The following IL1RAPL1 variants were observed in gnomAD, a reference collection of about 807,000 sequenced individuals.
IL1RAPL1 encodes the protein interleukin-1 receptor accessory protein-like 1.
IL1RAPL1 carries 3 observed loss-of-function variants against 48.4 expected under a neutral mutation model. That is an observed-to-expected ratio of 0.06 (90% CI 0.03 to 0.16). The LOEUF (loss-of-function observed/expected upper bound fraction) is 0.16, where lower values mean the gene tolerates loss of function less well. IL1RAPL1 is among the 10% of genes least tolerant of loss of function. The probability of loss-of-function intolerance (pLI) is 1.00; values close to 1 mark genes in which losing one functional copy is unlikely to be tolerated. For missense variants in IL1RAPL1, 349 were observed against 530.6 expected, an observed-to-expected ratio of 0.66 and a Z score of 3.36; for synonymous variants, 185 against 187.7, an observed-to-expected ratio of 0.99 and a Z score of 0.12.
rs572062880 is a variant in IL1RAPL1, at chrX:29,833,336, G to A, written c.779-84128G>A. Among the ~76,000 whole-genome samples, 47 of 110,435 alleles carry A rather than the reference G, an allele frequency of 4.3e-4. 1 individual carries two copies. The South Asian group carries it at 0.016, about 38-fold the overall frequency. On this transcript the variant is annotated intron_variant, in intron 6 of 10. Transcript: ENST00000378993. ...AAGTGGCTGTCATATAATATAAATC[G>A]TATTTAGTATGTATTTTTTTTTAAC... is the stretch of plus-strand genomic sequence containing the variant.
chrX:29,057,418 TTTTTTTTTTC>T lies in IL1RAPL1; in HGVS notation c.83-225501_83-225492del, dbSNP rs1046911307. 6.6e-4 allele frequency among the ~76,000 whole-genome samples: 17 copies of T among 25,634 alleles called. No individual in the cohort carries two copies. The African/African-American group carries it at 0.012, about 18-fold the overall frequency. The allele number at this position is 25,634 out of a possible 115,157, so 22.3% of individuals were successfully genotyped here. A position where few individuals can be genotyped will look rare whatever the true frequency, so the allele number is the denominator to read the frequency against. The stretch of plus-strand genomic sequence containing the variant: ...GCAGATCATGTTTGTTTGGCCTACT[TTTTTTTTTTC>T]TTTTTTTTTCTTTTTTTTGAGACAG... On this transcript the variant is annotated intron_variant, in intron 2 of 10. Coordinates refer to ENST00000378993, the MANE Select transcript of IL1RAPL1 (RefSeq NM_014271.4).
intron 6 of IL1RAPL1, among the ~76,000 whole-genome samples, chrX:29,669,415 A>G (rs1926087323): frequency 9.0e-6 from 1 of 111,623 alleles, no homozygotes; most frequent in South Asian, 3.7e-4. Context: ...ATATAACTAA[A>G]AAGAATCAGT....
chrX:29,288,730 C>T (rs939875981), intron 3 of IL1RAPL1, among the ~76,000 whole-genome samples: 6 of 112,149 alleles, frequency 5.4e-5, no homozygotes, highest in Admixed American at 3.8e-4. Flanking sequence ...TTTGAGGAAT[C>T]GCCACACTGT....
chrX:29,753,221 C>G (rs1035743520), intron 6 of IL1RAPL1, among the ~76,000 whole-genome samples: 3 of 111,630 alleles, frequency 2.7e-5, no homozygotes, highest in Admixed American at 1.9e-4. Flanking sequence ...ACTGTTACAA[C>G]CTCACTCTAG....
intron 6 of IL1RAPL1, among the ~76,000 whole-genome samples, chrX:29,811,903 A>C (rs1402031025): frequency 8.9e-6 from 1 of 111,800 alleles, no homozygotes; most frequent in African/African-American, 3.2e-5. Flanking sequence ...ACTTTTCTGC[A>C]TGTTGGTAAA....
intron 2 of IL1RAPL1, among the ~76,000 whole-genome samples, chrX:29,275,372 C>T (rs947798585): frequency 9.0e-6 from 1 of 111,428 alleles, no homozygotes; most frequent in Admixed American, 9.5e-5. Context: ...GGTGTCTTGC[C>T]AAACCTGTCT....
At chrX:29,666,316 T>A (rs998359727) in intron 5 of IL1RAPL1, among the ~76,000 whole-genome samples, 8 of 110,041 alleles carry the variant, frequency 7.3e-5, no homozygotes, top group African/African-American at 2.6e-4. Flanking sequence ...TAAGGTAAAA[T>A]AAAAGCAGAA....
rs761491506 is a variant in IL1RAPL1, at chrX:29,039,463, G to A, written c.83-243475G>A. Among the ~76,000 whole-genome samples the A allele has an allele frequency of 6.3e-5, 7 of 111,383 alleles. No homozygotes were observed. In the South Asian group the frequency reaches 2.6e-3, roughly 42 times the overall value. On this transcript the variant is annotated intron_variant, in intron 2 of 10. Coordinates refer to ENST00000378993, the MANE Select transcript of IL1RAPL1 (RefSeq NM_014271.4). ...CTGAATGAATTGTTTTCTTCTTCCT[G>A]TAAAAACGGAATTCAGGATAGTTTT...
chrX:28,958,592 A>T (rs1322930129), intron 2 of IL1RAPL1, among the ~76,000 whole-genome samples: 1 of 111,553 alleles, frequency 9.0e-6, no homozygotes, highest in Non-Finnish European at 1.9e-5. Context: ...TCCTTCAAGG[A>T]TTATGAAGGA....
chrX:29,132,498 G>A (rs897361207), intron 2 of IL1RAPL1, among the ~76,000 whole-genome samples: 2 of 112,079 alleles, frequency 1.8e-5, no homozygotes, highest in Non-Finnish European at 3.8e-5. Context: ...GAAACAAATA[G>A]GCTGTACCAT....
chrX:29,769,754 T>C (rs143740603), intron 6 of IL1RAPL1, among the ~76,000 whole-genome samples: 1,540 of 106,490 alleles, frequency 0.014, 25 homozygotes, highest in African/African-American at 0.05. Context: ...GTAACTGGGA[T>C]TAGAGGCACG....
intron 5 of IL1RAPL1, among the ~76,000 whole-genome samples, chrX:29,482,776 G>A (rs1935054513): frequency 8.9e-6 from 1 of 111,784 alleles, no homozygotes; most frequent in South Asian, 3.7e-4. Flanking sequence ...ACAGTATAAT[G>A]AACCTTCCTG....
chrX:29,746,390 C>G (rs1364070833), intron 6 of IL1RAPL1, among the ~76,000 whole-genome samples: 1 of 111,595 alleles, frequency 9.0e-6, no homozygotes. Flanking sequence ...GAATAATTTT[C>G]TGAATGAGTC....
chrX:29,401,469 G>A (rs181875064), intron 5 of IL1RAPL1, among the ~76,000 whole-genome samples: 1 of 111,493 alleles, frequency 9.0e-6, no homozygotes, highest in African/African-American at 3.3e-5. Flanking sequence ...CGCATTTACT[G>A]TGGGGCCAAA....
intron 5 of IL1RAPL1, among the ~76,000 whole-genome samples, chrX:29,451,770 T>G (rs2147727139): frequency 8.9e-6 from 1 of 112,090 alleles, no homozygotes; most frequent in South Asian, 3.7e-4. Context: ...AAAACGGTTC[T>G]CATTTTTGTT....
At chrX:29,393,582 G>C (rs1933885478) in intron 3 of IL1RAPL1, among the ~76,000 whole-genome samples, 1 of 111,393 alleles carries the variant, frequency 9.0e-6, no homozygotes, top group Non-Finnish European at 1.9e-5. Context: ...AAGAGATATA[G>C]TACAACAGAC....
chrX:28,634,836 T>C (rs1471833740), intron 1 of IL1RAPL1, among the ~76,000 whole-genome samples: 1 of 111,275 alleles, frequency 9.0e-6, no homozygotes, highest in Non-Finnish European at 1.9e-5. Flanking sequence ...TAATATTTGT[T>C]CCTGGTTTTA....
intron 6 of IL1RAPL1, among the ~76,000 whole-genome samples, chrX:29,793,514 T>C (rs936490798): frequency 3.6e-5 from 4 of 112,080 alleles, no homozygotes; most frequent in Non-Finnish European, 7.5e-5. Flanking sequence ...ATTAACAGAG[T>C]GTCAACAATT....
intron 5 of IL1RAPL1, among the ~76,000 whole-genome samples, chrX:29,465,882 A>G (rs774019087): frequency 5.9e-4 from 66 of 111,423 alleles, no homozygotes; most frequent in Non-Finnish European, 1.1e-3. Flanking sequence ...TTTGAGATCC[A>G]CCAATAGGAT....
Sources: gnomAD v4.1 joint callset for allele counts (sites outside exome capture counted in the v4.1 genomes callset) on GRCh38, gnomAD v4.1.1 for gene constraint, MANE v1.5 for transcripts, NCBI Gene and HGNC (gene_info 2026-07-23, HGNC 2026-07-21) for gene names.